IP6K2: variants seen among roughly 807,000 people sequenced by gnomAD.
IP6K2 encodes the protein inositol hexakisphosphate kinase 2, also known as ATP:1D-myo-inositol-hexakisphosphate phosphotransferase.
A neutral mutation model predicts 43.3 loss-of-function variants in IP6K2; 9 were observed. The ratio of observed to expected loss-of-function variants is 0.21; its 90% CI spans 0.13 to 0.36. The LOEUF is 0.36. Among genes scored for constraint, IP6K2 ranks in the 10% least tolerant of loss-of-function variants. The pLI, the probability that IP6K2 is intolerant of heterozygous loss-of-function variation, is 1.00. For missense variants in IP6K2, 332 were observed against 538.4 expected, an observed-to-expected ratio of 0.62 and a Z score of 3.79; for synonymous variants, 209 against 202.4, an observed-to-expected ratio of 1.03 and a Z score of -0.28.
intron 1 of IP6K2, among the ~76,000 whole-genome samples, chr3:48,706,132 G>A (rs887921865): frequency 2.0e-5 from 3 of 151,414 alleles, no homozygotes; most frequent in Non-Finnish European, 2.9e-5. Context: ...ACTTGAACCC[G>A]GGAGGCGGAG....
chr3:48,707,699 A>G (rs958218154), intron 1 of IP6K2, among the ~76,000 whole-genome samples: 3 of 152,180 alleles, frequency 2.0e-5, no homozygotes, highest in Admixed American at 2.0e-4. Context: ...TGGCCTCCCA[A>G]AGTGCTGGGA....
At chr3:48,694,094 T>A in intron 2 of IP6K2, 1 of 1,478,950 alleles carries the variant, frequency 6.8e-7, no homozygotes, top group East Asian at 2.5e-5. Flanking sequence ...CAGAGAGAGA[T>A]GACACTTCTG....
At chr3:48,715,238 G>T in intron 1 of IP6K2, 1 of 1,461,616 alleles carries the variant, frequency 6.8e-7, no homozygotes, top group Non-Finnish European at 9.3e-7. Context: ...ATCCCACTAG[G>T]TGAAATAACT....
intron 2 of IP6K2, 68 bp from the exon 3 acceptor site, chr3:48,693,247 T>C: frequency 7.2e-7 from 1 of 1,387,264 alleles, no homozygotes; most frequent in East Asian, 2.3e-5. Flanking sequence ...GTAACATGAT[T>C]GTAACATTTG....
At chr3:48,715,637 C>G in intron 1 of IP6K2, 1 of 604,770 alleles carries the variant, frequency 1.7e-6, no homozygotes, top group Non-Finnish European at 2.9e-6. Flanking sequence ...ACAAACCAAA[C>G]AAACAAAAAG....
At chr3:48,715,258 G>C in intron 1 of IP6K2, 1 of 1,532,046 alleles carries the variant, frequency 6.5e-7, no homozygotes, top group Non-Finnish European at 8.7e-7. Flanking sequence ...TTCACTTAAA[G>C]GGAAAATTCT....
chr3:48,712,572 C>T (rs1013482314), intron 1 of IP6K2, among the ~76,000 whole-genome samples: 2 of 151,790 alleles, frequency 1.3e-5, no homozygotes, highest in Admixed American at 6.6e-5. Context: ...AAATGAGCTG[C>T]GCCCAGTGAC....
At position 48,706,535 on chromosome 3, in the gene IP6K2, T is replaced by G. The variant is rs181944738; in HGVS notation, c.-131+10622A>C. Among the ~76,000 whole-genome samples the G allele has an allele frequency of 1.4e-3, 208 of 152,180 alleles. 1 individual carries two copies. The highest frequency in any genetic ancestry group is 0.011 in the Admixed American group (167 of 15,272). On this transcript the variant is annotated intron_variant, in intron 1 of 5. Coordinates refer to ENST00000328631, the MANE Select transcript of IP6K2 (RefSeq NM_016291.4). ...ACCCTTCTGTTCTCTCTACAGACAG[T>G]TGTAATATTGCTATTATAGAAAGAG...
chr3:48,705,027 C>T (rs1207257642), intron 1 of IP6K2, among the ~76,000 whole-genome samples: 7 of 151,352 alleles, frequency 4.6e-5, no homozygotes, highest in Non-Finnish European at 7.4e-5. Context: ...CTGCAAGCTC[C>T]GCCTCCCAGG....
In IP6K2 at chr3:48,695,925, G is replaced by T. The variant is rs1004913374; in HGVS notation, c.-130-504C>A. Among the ~76,000 whole-genome samples the T allele has an allele frequency of 6.8e-6, 1 of 147,948 alleles. No homozygotes were observed. Among genetic ancestry groups the T allele is most frequent in the African/African-American group, 2.5e-5 (1 of 40,072 alleles). On this transcript the variant is annotated intron_variant, in intron 1 of 5. Transcript: ENST00000328631. The surrounding 1 kb of genome is among the most constrained non-coding windows in gnomAD (Gnocchi z 4.6). ...TTTTGAGATGGAGTCTCACTCTATCGCCAGGCGGGAGTGCAGTGGCACAAT... is the reference window on the plus strand; with the variant it reads ...TTTTGAGATGGAGTCTCACTCTATCTCCAGGCGGGAGTGCAGTGGCACAAT...
rs552581557 is a variant in IP6K2 at position 48,698,071 on chromosome 3, C to G, written c.-130-2650G>C. Reference sequence around the variant, plus strand: ...AGGAAGGCACGTATTGAGAAGAGTCCAGAAACTCAACACAGGCAATGGAAC... The same window carrying G: ...AGGAAGGCACGTATTGAGAAGAGTCGAGAAACTCAACACAGGCAATGGAAC... On this transcript the variant is annotated intron_variant, in intron 1 of 5. Coordinates refer to ENST00000328631, the MANE Select transcript of IP6K2 (RefSeq NM_016291.4). Among the ~76,000 whole-genome samples, 4 of 152,216 alleles carry G rather than the reference C, an allele frequency of 2.6e-5. 1 individual carries two copies. The highest frequency in any genetic ancestry group is 9.6e-5 in the African/African-American group (4 of 41,530).
At chr3:48,701,370 C>T (rs1575669874) in intron 1 of IP6K2, among the ~76,000 whole-genome samples, 3 of 151,722 alleles carry the variant, frequency 2.0e-5, no homozygotes, top group South Asian at 4.2e-4. Flanking sequence ...AGTTCGAGGC[C>T]AGCCTGACCA....
intron 1 of IP6K2, among the ~76,000 whole-genome samples, chr3:48,704,813 C>G (rs1366038122): frequency 6.6e-6 from 1 of 151,422 alleles, no homozygotes; most frequent in Non-Finnish European, 1.5e-5. Flanking sequence ...GAGTCTTGCT[C>G]TGTTGCCCAG....
intron 1 of IP6K2, among the ~76,000 whole-genome samples, chr3:48,711,764 G>A (rs2080543287): frequency 6.6e-6 from 1 of 152,158 alleles, no homozygotes; most frequent in Admixed American, 6.5e-5. Flanking sequence ...TTTCTTGTCA[G>A]GTTGTTCAAG....
At chr3:48,707,953 C>T (rs896910229) in intron 1 of IP6K2, among the ~76,000 whole-genome samples, 21 of 152,152 alleles carry the variant, frequency 1.4e-4, no homozygotes, top group Admixed American at 1.3e-4. Flanking sequence ...CTCGTCTGAC[C>T]AGGTTTCTGG....
At chr3:48,711,842 C>T (rs73080326) in intron 1 of IP6K2, among the ~76,000 whole-genome samples, 1 of 152,246 alleles carries the variant, frequency 6.6e-6, no homozygotes, top group Non-Finnish European at 1.5e-5. Flanking sequence ...CCTTGAGTAA[C>T]TAGGCAAGTT....
chr3:48,698,573 G>A (rs530691779), intron 1 of IP6K2, among the ~76,000 whole-genome samples: 4 of 152,264 alleles, frequency 2.6e-5, no homozygotes, highest in Admixed American at 6.5e-5. Flanking sequence ...AGGTTCAAGC[G>A]ATTCTCGTGC....
At position 48,692,943 on chromosome 3, in the gene IP6K2, TCTACA is replaced by T; in HGVS notation, c.428+6_428+10del. 6.2e-7 allele frequency: 1 copy of T among 1,600,152 alleles called. No individual in the cohort carries two copies. Among genetic ancestry groups the T allele is most frequent in the Non-Finnish European group, 8.6e-7 (1 of 1,168,678 alleles). ...CCACATAGCCCAGAGTTGCCCTCTG[TCTACA>T]CTCACCTCTTCATTTTCTCCTCTTT... On this transcript the variant is annotated splice_donor_region_variant and intron_variant, in intron 3 of 5. Transcript: ENST00000328631.
intron 1 of IP6K2, among the ~76,000 whole-genome samples, chr3:48,705,724 C>T (rs1052114735): frequency 2.2e-4 from 34 of 151,598 alleles, no homozygotes; most frequent in Non-Finnish European, 3.4e-4. Flanking sequence ...ACAGCTTGGC[C>T]AAGCGTGGTG....
Sources: allele counts gnomAD v4.1 joint callset (sites outside exome capture counted in the v4.1 genomes callset), GRCh38; gene constraint gnomAD v4.1.1; non-coding constraint Gnocchi (gnomAD v3.1); transcripts MANE v1.5; gene names NCBI Gene and HGNC (gene_info 2026-07-23, HGNC 2026-07-21).